LRRC7: variants seen among roughly 807,000 people sequenced by gnomAD.
LRRC7 encodes leucine rich repeat containing 7, also known as leucine-rich repeat-containing protein 7.
A neutral mutation model predicts 175.7 loss-of-function variants in LRRC7; 23 were observed. The observed-to-expected ratio is 0.13, with a 90% confidence interval of 0.09 to 0.19. LRRC7 has a LOEUF of 0.19. Ranked by LOEUF, LRRC7 falls within the 10% of genes least tolerant of loss-of-function variation. The pLI is 1.00. For missense variants in LRRC7, 1,354 were observed against 1,904.7 expected (o/e 0.71, Z 5.38); for synonymous variants, 685 against 680.9 (o/e 1.01, Z -0.09).
At chr1:69,891,699 T>C (rs2101644897) in intron 7 of LRRC7, among the ~76,000 whole-genome samples, 1 of 151,798 alleles carries the variant, frequency 6.6e-6, no homozygotes, top group Admixed American at 6.6e-5. Flanking sequence ...GACACTGAAC[T>C]CCAGCCTGGG....
intron 3 of LRRC7, among the ~76,000 whole-genome samples, chr1:69,778,915 TAC>T (rs148540965): frequency 0.07 from 10,224 of 146,204 alleles, 375 homozygotes; most frequent in Middle Eastern, 0.095. Context: ...TACACACACA[TAC>T]ACACACACAC....
chr1:69,617,162 A>G (rs1649764669), intron 1 of LRRC7, among the ~76,000 whole-genome samples: 1 of 152,114 alleles, frequency 6.6e-6, no homozygotes, highest in Non-Finnish European at 1.5e-5. Context: ...TCTCTTTTTC[A>G]AACATTTGAC....
intron 23 of LRRC7, among the ~76,000 whole-genome samples, chr1:70,068,417 T>C (rs1305950057): frequency 7.9e-5 from 12 of 152,178 alleles, no homozygotes; most frequent in Non-Finnish European, 2.9e-5. Flanking sequence ...GATTTTCAAA[T>C]ATTGAACAAG....
chr1:69,680,659 A>G (rs192375826), intron 2 of LRRC7, among the ~76,000 whole-genome samples: 141 of 139,182 alleles, frequency 1.0e-3, no homozygotes, highest in Middle Eastern at 7.1e-3. Context: ...TGTGAATTCC[A>G]TGAGAAAAAA....
intron 9 of LRRC7, among the ~76,000 whole-genome samples, chr1:69,982,088 G>A (rs1351489545): frequency 6.6e-6 from 1 of 152,152 alleles, no homozygotes; most frequent in Non-Finnish European, 1.5e-5. Flanking sequence ...TTTCACAATT[G>A]TTACATTCCC....
At chr1:69,928,409 G>A (rs1279435675) in intron 7 of LRRC7, among the ~76,000 whole-genome samples, 7 of 152,236 alleles carry the variant, frequency 4.6e-5, no homozygotes, top group Non-Finnish European at 7.3e-5. Context: ...TGCCCCCAGC[G>A]GTGGAGCCTA....
intron 5 of LRRC7, among the ~76,000 whole-genome samples, chr1:69,834,469 A>G (rs1364740047): frequency 6.6e-6 from 1 of 152,208 alleles, no homozygotes; most frequent in Non-Finnish European, 1.5e-5. Flanking sequence ...TGAGATTTCC[A>G]TGAAAAATGT....
In LRRC7 at chr1:70,131,085, T is replaced by C. The variant is rs1420660957; in HGVS notation, c.*9198T>C. 6.6e-6 allele frequency among the ~76,000 whole-genome samples: 1 copy of C among 152,176 alleles called. No individual in the cohort carries two copies. Among genetic ancestry groups the C allele is most frequent in the Non-Finnish European group, 1.5e-5 (1 of 68,028 alleles). On this transcript the variant is annotated 3_prime_UTR_variant, in exon 27 of 27. Transcript: ENST00000651989. ...TCAAGCCACTGTAAAAGCTATATAATTGATATGATTAACTATTTAGATAGA... is the reference window on the plus strand; with the variant it reads ...TCAAGCCACTGTAAAAGCTATATAACTGATATGATTAACTATTTAGATAGA...
chr1:69,768,344 TG>T (rs1671848424), intron 3 of LRRC7, among the ~76,000 whole-genome samples: 1 of 152,150 alleles, frequency 6.6e-6, no homozygotes, highest in African/African-American at 2.4e-5. Flanking sequence ...CTGCCAGGCT[TG>T]CTCTGCCCCT....
intron 1 of LRRC7, among the ~76,000 whole-genome samples, chr1:69,659,467 G>A (rs919963071): frequency 6.7e-6 from 1 of 150,014 alleles, no homozygotes; most frequent in Non-Finnish European, 1.5e-5. Flanking sequence ...CAATGTCATA[G>A]TGAAACTGAA....
At chr1:69,603,478 TA>T (rs1449535226) in intron 1 of LRRC7, among the ~76,000 whole-genome samples, 4 of 152,238 alleles carry the variant, frequency 2.6e-5, no homozygotes, top group African/African-American at 9.6e-5. Context: ...TGTTACATTT[TA>T]TAATGCTTTT....
At chr1:69,611,921 A>G (rs1178668543) in intron 1 of LRRC7, among the ~76,000 whole-genome samples, 2 of 152,090 alleles carry the variant, frequency 1.3e-5, no homozygotes, top group East Asian at 1.9e-4. Context: ...CATTTTCTGC[A>G]TGCACATGTC....
intron 7 of LRRC7, among the ~76,000 whole-genome samples, chr1:69,916,402 TA>T (rs575291056): frequency 2.7e-5 from 4 of 149,960 alleles, no homozygotes; most frequent in Non-Finnish European, 1.5e-5. Context: ...TTTGAATTTT[TA>T]AAAAACCTAT....
intron 8 of LRRC7, among the ~76,000 whole-genome samples, chr1:69,952,421 T>C (rs1409223523): frequency 6.6e-6 from 1 of 152,088 alleles, no homozygotes; most frequent in Non-Finnish European, 1.5e-5. Context: ...AACAATTCTC[T>C]TCCACAGCCA....
chr1:69,685,712 G>A (rs1219292880), intron 2 of LRRC7, among the ~76,000 whole-genome samples: 2 of 150,150 alleles, frequency 1.3e-5, no homozygotes, highest in Non-Finnish European at 3.0e-5. Flanking sequence ...AAAATGAACA[G>A]AACCTCAGGG....
intron 1 of LRRC7, among the ~76,000 whole-genome samples, chr1:69,595,985 G>A (rs1646827337): frequency 6.6e-6 from 1 of 151,712 alleles, no homozygotes; most frequent in Non-Finnish European, 1.5e-5. Flanking sequence ...AAAGTAGCTT[G>A]TGTGATTTGA....
chr1:69,949,947 T>A (rs1649744806), intron 8 of LRRC7, among the ~76,000 whole-genome samples: 1 of 151,892 alleles, frequency 6.6e-6, no homozygotes, highest in Admixed American at 6.6e-5. Context: ...CTACTTCGTG[T>A]CTTCTACAAA....
intron 5 of LRRC7, 75 bp downstream of exon 5, chr1:69,825,901 C>A: frequency 1.2e-6 from 1 of 856,180 alleles, no homozygotes; most frequent in Non-Finnish European, 1.7e-6. Context: ...AGAGGAAATG[C>A]ACATCATAAT....
intron 24 of LRRC7, among the ~76,000 whole-genome samples, chr1:70,083,801 A>T (rs1410867164): frequency 1.3e-5 from 2 of 152,108 alleles, no homozygotes; most frequent in Admixed American, 1.3e-4. Context: ...CACAGTCTAC[A>T]CTCAATCCAC....
Sources: allele counts gnomAD v4.1 joint callset (sites outside exome capture counted in the v4.1 genomes callset), GRCh38; gene constraint gnomAD v4.1.1; transcripts MANE v1.5; gene names NCBI Gene and HGNC (gene_info 2026-07-23, HGNC 2026-07-21).